C1orf159: variants seen among roughly 807,000 people sequenced by gnomAD.
C1orf159 encodes the protein chromosome 1 open reading frame 159, also known as uncharacterized protein C1orf159.
In C1orf159, 19 loss-of-function variants were observed where a neutral mutation model predicts 25.6. The ratio of observed to expected loss-of-function variants is 0.74; its 90% CI spans 0.52 to 1.09. C1orf159 has a LOEUF of 1.09. C1orf159 is among the 50% of genes least tolerant of loss of function. C1orf159 has a pLI of 0.00. For synonymous variants in C1orf159, 139 were observed against 124.7 expected (o/e 1.12, Z -0.77); for missense variants, 274 against 290.6 (o/e 0.94, Z 0.42).
intron 1 of C1orf159, among the ~76,000 whole-genome samples, chr1:1,102,901 C>G (rs531411606): frequency 2.6e-5 from 4 of 151,940 alleles, no homozygotes; most frequent in African/African-American, 9.6e-5. Flanking sequence ...ATGATCTGGG[C>G]TCACTGCAGC....
At chr1:1,090,867 G>A (rs1169243095) in intron 3 of C1orf159, 6 of 1,547,990 alleles carry the variant, frequency 3.9e-6, no homozygotes, top group Admixed American at 2.0e-5. Context: ...GCTGGGTGCT[G>A]GCACTTACGG....
At chr1:1,111,761 A>C (rs1426727619) in intron 1 of C1orf159, among the ~76,000 whole-genome samples, 1 of 152,178 alleles carries the variant, frequency 6.6e-6, no homozygotes, top group Non-Finnish European at 1.5e-5. Context: ...GAACCTCGGT[A>C]AACACAGCCC....
chr1:1,087,619 C>T lies in C1orf159; in HGVS notation c.149-22G>A, dbSNP rs1645852937. 1.3e-6 allele frequency: 2 copies of T among 1,516,680 alleles called. No homozygotes were observed. Among genetic ancestry groups the T allele is most frequent in the African/African-American group, 2.8e-5 (2 of 72,290 alleles). The allele number at this position is 1,516,680 out of a possible 1,614,324, so 94.0% of individuals were successfully genotyped here. The stretch of plus-strand genomic sequence containing the variant: ...CAGCCTGCGTGGGGCAGAGGACGGG[C>T]ATGTCAGCCAAAGCAAAATCCACAC... On this transcript the variant is annotated intron_variant, in intron 4 of 9. Coordinates refer to ENST00000421241, the MANE Select transcript of C1orf159 (RefSeq NM_017891.5). The surrounding 1 kb of genome is among the most constrained non-coding windows in gnomAD (Gnocchi z 8.3).
At chr1:1,090,940 C>T (rs969345128) in intron 3 of C1orf159, 3 of 1,550,390 alleles carry the variant, frequency 1.9e-6, no homozygotes, top group Admixed American at 2.0e-5. Flanking sequence ...GCTCAGGGTA[C>T]CCTCAGCTTG....
At position 1,085,936 on chromosome 1, in the gene C1orf159, C is replaced by T. The variant is rs558677931; in HGVS notation, c.387G>A (p.Gly129=). 8.6e-5 allele frequency: 139 copies of T among 1,613,496 alleles called. 3 individuals carry two copies. The South Asian group carries it at 1.4e-3, about 17-fold the overall frequency. Residue 129 remains glycine, a synonymous_variant, in exon 7 of 10, where the codon GGG becomes GGA. Coordinates refer to ENST00000421241, the MANE Select transcript of C1orf159 (RefSeq NM_017891.5). ...TACTGGAGCGCTTGAGGTAGAAGAA[C>T]CCAGCTACGGAGAGGATGAGGCCGG... is the stretch of plus-strand genomic sequence containing the variant. ...ISSGLILSVA[G]FFYLKRSSKL... is the part of the protein sequence containing the mutation.
chr1:1,113,801 C>T (rs1471489425), intron 1 of C1orf159, among the ~76,000 whole-genome samples: 1 of 152,158 alleles, frequency 6.6e-6, no homozygotes, highest in Non-Finnish European at 1.5e-5. Context: ...CGGGGTGTTA[C>T]GTCTCCCGAT....
At position 1,110,915 on chromosome 1, in the gene C1orf159, C is replaced by T. The variant is rs1646248719; in HGVS notation, c.-136+5145G>A. Among the ~76,000 whole-genome samples, 2 of 152,244 alleles carry T rather than the reference C, an allele frequency of 1.3e-5. No homozygotes were observed. Among genetic ancestry groups the T allele is most frequent in the Non-Finnish European group, 2.9e-5 (2 of 68,050 alleles). ...ACTCAGAGTGTCGGTAAAATCACAG[C>T]AGCGCTCCTGTCTGGCGCGGCAGGC... On this transcript the variant is annotated intron_variant, in intron 1 of 9. Transcript: ENST00000421241. The surrounding 1 kb of genome is among the most constrained non-coding windows in gnomAD (Gnocchi z 4.8).
Position 1,087,137 on chromosome 1 carries a change from A to G in C1orf159, c.310+2T>C, listed in dbSNP as rs1265756810. The G allele has an allele frequency of 1.2e-6, 2 of 1,608,120 alleles. No individual in the cohort carries two copies. Among genetic ancestry groups the G allele is most frequent in the Middle Eastern group, 1.7e-4 (1 of 6,048 alleles). On this transcript the variant is annotated splice_donor_variant, in intron 6 of 9. Transcript: ENST00000421241. LOFTEE classifies it high-confidence loss of function. This position sits in a 1 kb window ranked among gnomAD's most constrained non-coding sequence, Gnocchi z 8.3. ...AGGTGGCTGTGGCCTGCTGAGACTT[A>G]CCAGGATGTGGCCGCCCGGGGGTCC...
At chr1:1,083,074 G>GT in intron 9 of C1orf159, 87 bp from the exon 10 acceptor site, 1 of 1,173,112 alleles carries the variant, frequency 8.5e-7, no homozygotes, top group Non-Finnish European at 1.2e-6. Flanking sequence ...GAGGCTCTCG[G>GT]GAGTGGGCAT....
chr1:1,091,970 G>A (rs1021086531), intron 2 of C1orf159, 21 bp downstream of exon 2: 15 of 458,090 alleles, frequency 3.3e-5, no homozygotes, highest in Admixed American at 1.2e-4. Context: ...CGGGTGGGGC[G>A]AGGTGTAGGC....
At chr1:1,107,293 C>T (rs57879151) in intron 1 of C1orf159, among the ~76,000 whole-genome samples, 36,685 of 152,042 alleles carry the variant, frequency 0.24, 5,888 homozygotes, top group African/African-American at 0.46. Flanking sequence ...ATCAGCACTC[C>T]GTGTCTAGCT....
Position 1,087,263 on chromosome 1 carries a change from G to A in C1orf159, c.245-59C>T, listed in dbSNP as rs1295340291. ...GCACGGAGCCCACGGGGACACCCAC[G>A]TGCACCCTGAAGGGATCTCAGGACG... On this transcript the variant is annotated intron_variant, in intron 5 of 9. Transcript: ENST00000421241. The surrounding 1 kb of genome is among the most constrained non-coding windows in gnomAD (Gnocchi z 8.3). The A allele has an allele frequency of 6.7e-6, 10 of 1,500,010 alleles. No homozygotes were observed. The East Asian group carries it at 1.6e-4, about 24-fold the overall frequency. The allele number at this position is 1,500,010 out of a possible 1,614,324, so 92.9% of individuals were successfully genotyped here. A position where few individuals can be genotyped will look rare whatever the true frequency, so the allele number is the denominator to read the frequency against.
chr1:1,085,258 T>A (rs1452088829), intron 7 of C1orf159: 1 of 433,774 alleles, frequency 2.3e-6, no homozygotes, highest in Admixed American at 2.5e-5. Flanking sequence ...CACCTTGGGG[T>A]CCGAACTGCT....
At chr1:1,090,233 C>G in intron 4 of C1orf159, 120 bp downstream of exon 4, 1 of 1,042,800 alleles carries the variant, frequency 9.6e-7, no homozygotes, top group Non-Finnish European at 1.4e-6. Context: ...GCCCCATCCA[C>G]TCCCCAGGTC....
rs1170365187 is a variant in C1orf159, at chr1:1,102,614, T to TAAAAAA, written c.-135-10517_-135-10512dup. On this transcript the variant is annotated intron_variant, in intron 1 of 9. Coordinates refer to ENST00000421241, the MANE Select transcript of C1orf159 (RefSeq NM_017891.5). Reference sequence around the variant, plus strand: ...CAACATAGCGAAACCCTGTCTCTACTAAAAAAAAAAAAAAAAAAAAAAAAA... The same window carrying TAAAAAA: ...CAACATAGCGAAACCCTGTCTCTACTAAAAAAAAAAAAAAAAAAAAAAAAAAAAAAA... 2.9e-4 allele frequency among the ~76,000 whole-genome samples: 10 copies of TAAAAAA among 34,132 alleles called. 1 individual carries two copies. Among genetic ancestry groups the TAAAAAA allele is most frequent in the Admixed American group, 8.0e-4 (2 of 2,508 alleles). The allele number at this position is 34,132 out of a possible 152,430, so 22.4% of individuals were successfully genotyped here. A position where few individuals can be genotyped will look rare whatever the true frequency, so the allele number is the denominator to read the frequency against.
rs1170024137 is a variant in C1orf159 at position 1,091,972 on chromosome 1, G to C, written c.-23+19C>G. ...GCCTTTGGAGGCACGGGTGGGGCGA[G>C]GTGTAGGCAGGGCCTTACCTGCCCC... On this transcript the variant is annotated intron_variant, in intron 2 of 9. Transcript: ENST00000421241. 1 of 458,486 alleles carries C rather than the reference G, an allele frequency of 2.2e-6. No homozygotes were observed. Among genetic ancestry groups the C allele is most frequent in the East Asian group, 6.8e-5 (1 of 14,676 alleles). The allele number at this position is 458,486 out of a possible 1,614,324, so 28.4% of individuals were successfully genotyped here.
chr1:1,084,144 C>T lies in C1orf159; in HGVS notation c.502+209G>A, dbSNP rs370483872. On this transcript the variant is annotated intron_variant, in intron 9 of 9. Transcript: ENST00000421241. The stretch of plus-strand genomic sequence containing the variant: ...GGATTAAAGGGGGGCGGGCAGGGGG[C>T]GCCGGCCAAATCCAGCTGAGATCCA... 64 of 1,548,438 alleles carry T rather than the reference C, an allele frequency of 4.1e-5. No individual in the cohort carries two copies. In the Middle Eastern group the frequency reaches 7.0e-4, roughly 17 times the overall value.
rs112159223 is a variant in C1orf159, at chr1:1,112,542, G to A, written c.-136+3518C>T. 4.4e-3 allele frequency among the ~76,000 whole-genome samples: 644 copies of A among 144,736 alleles called. 6 individuals are homozygous for A. The highest frequency in any genetic ancestry group is 0.015 in the African/African-American group (590 of 38,750). 95.0% of individuals were successfully genotyped at this position (144,736 alleles called of 152,430 possible). ...TCCCTCCCTCCAGTGAACACAACGC[G>A]CACGCTCCCTCCCTCCAGTGAACAC... On this transcript the variant is annotated intron_variant, in intron 1 of 9. Coordinates refer to ENST00000421241, the MANE Select transcript of C1orf159 (RefSeq NM_017891.5).
chr1:1,091,612 G>A, intron 2 of C1orf159, 47 bp from the exon 3 acceptor site: 1 of 1,343,940 alleles, frequency 7.4e-7, no homozygotes, highest in South Asian at 1.2e-5. Flanking sequence ...GAGTGGGGCT[G>A]AGGCAGGGTG....
Sources: allele counts gnomAD v4.1 joint callset (sites outside exome capture counted in the v4.1 genomes callset), GRCh38; gene constraint gnomAD v4.1.1; non-coding constraint Gnocchi (gnomAD v3.1); transcripts MANE v1.5; gene names NCBI Gene and HGNC (gene_info 2026-07-23, HGNC 2026-07-21).